ERC2: variants seen among roughly 807,000 people sequenced by gnomAD.
ERC2 encodes ELKS/RAB6-interacting/CAST family member 2.
A neutral mutation model predicts 114.8 loss-of-function variants in ERC2; 42 were observed. The ratio of observed to expected loss-of-function variants is 0.37; its 90% CI spans 0.29 to 0.47. The LOEUF (loss-of-function observed/expected upper bound fraction) is 0.47. Among genes scored for constraint, ERC2 ranks in the 20% least tolerant of loss-of-function variants. ERC2 has a pLI of 0.99. For synonymous variants in ERC2, 454 were observed against 425.5 expected (o/e 1.07, Z -0.82); for missense variants, 939 against 1,150.7 (o/e 0.82, Z 2.66).
chr3:55,980,727 A>G (rs2070058837), intron 12 of ERC2, among the ~76,000 whole-genome samples: 4 of 151,478 alleles, frequency 2.6e-5, no homozygotes, highest in South Asian at 4.2e-4. Context: ...TGAGAGAAAC[A>G]GGGAAAAGAA....
At chr3:55,932,723 T>C (rs551017891) in intron 13 of ERC2, among the ~76,000 whole-genome samples, 3 of 152,296 alleles carry the variant, frequency 2.0e-5, no homozygotes, top group South Asian at 2.1e-4. Context: ...GACAGAACTA[T>C]AGTAAAATCT....
chr3:56,078,800 T>C (rs924142165), intron 7 of ERC2, among the ~76,000 whole-genome samples: 21 of 151,280 alleles, frequency 1.4e-4, no homozygotes, highest in African/African-American at 4.6e-4. Flanking sequence ...TCTGCCTTTT[T>C]GGAATTTACA....
At position 55,944,460 on chromosome 3, in the gene ERC2, A is replaced by C. The variant is rs1453098355; in HGVS notation, c.2403+5965T>G. ...GAGGATTAGGTCAGAAATCCACAGGAAAAAGCAGAAGATGTTTCTCAGAAG... is the reference window on the plus strand; with the variant it reads ...GAGGATTAGGTCAGAAATCCACAGGCAAAAGCAGAAGATGTTTCTCAGAAG... On this transcript the variant is annotated intron_variant, in intron 13 of 17. Coordinates refer to ENST00000288221, the MANE Select transcript of ERC2 (RefSeq NM_015576.3). Among the ~76,000 whole-genome samples, 2 of 152,216 alleles carry C rather than the reference A, an allele frequency of 1.3e-5. 1 individual carries two copies.
chr3:55,547,558 A>G (rs976025276), intron 17 of ERC2, among the ~76,000 whole-genome samples: 1 of 152,212 alleles, frequency 6.6e-6, no homozygotes, highest in Non-Finnish European at 1.5e-5. Flanking sequence ...GCTCCTCTTT[A>G]GAATAATGAA....
chr3:55,857,505 C>T (rs2061842062), intron 14 of ERC2, among the ~76,000 whole-genome samples: 1 of 152,082 alleles, frequency 6.6e-6, no homozygotes, highest in Non-Finnish European at 1.5e-5. Flanking sequence ...ACAACCACCA[C>T]TATTATCTAA....
chr3:56,274,799 A>G (rs1035399380), intron 3 of ERC2, among the ~76,000 whole-genome samples: 1 of 152,236 alleles, frequency 6.6e-6, no homozygotes, highest in African/African-American at 2.4e-5. Context: ...TACATGCCAT[A>G]CTAAGGCGAT....
intron 3 of ERC2, 50 bp downstream of exon 3, chr3:56,295,969 A>AT: frequency 6.7e-7 from 1 of 1,501,808 alleles, no homozygotes; most frequent in East Asian, 2.3e-5. Context: ...TTGATAACAT[A>AT]TTTTCACTTA....
chr3:55,698,623 C>T (rs925469848), intron 16 of ERC2, among the ~76,000 whole-genome samples: 7 of 152,214 alleles, frequency 4.6e-5, no homozygotes, highest in African/African-American at 1.4e-4. Flanking sequence ...TCACCAAAAA[C>T]GGGGGCAGGG....
intron 14 of ERC2, among the ~76,000 whole-genome samples, chr3:55,779,033 G>C (rs2068815336): frequency 6.6e-6 from 1 of 151,818 alleles, no homozygotes. Context: ...GGAAGAGGCA[G>C]ATAATCTAAA....
rs76924896 is a variant in ERC2 at position 55,690,822 on chromosome 3, C to T, written c.2848-6963G>A. The stretch of plus-strand genomic sequence containing the variant: ...GGCTTATTAATCATGCCCTCATGTG[C>T]TCACATGCAGGGAATTAGCATCGCA... On this transcript the variant is annotated intron_variant, in intron 16 of 17. Transcript: ENST00000288221. 2.6e-3 allele frequency among the ~76,000 whole-genome samples: 393 copies of T among 152,348 alleles called. 2 individuals carry two copies. The highest frequency in any genetic ancestry group is 9.1e-3 in the African/African-American group (377 of 41,580).
intron 7 of ERC2, among the ~76,000 whole-genome samples, chr3:56,058,074 T>C (rs2076089796): frequency 6.6e-6 from 1 of 152,216 alleles, no homozygotes; most frequent in South Asian, 2.1e-4. Context: ...AAATCTTCAA[T>C]TCATATTACA....
intron 14 of ERC2, among the ~76,000 whole-genome samples, chr3:55,786,139 C>T (rs1306448733): frequency 6.6e-6 from 1 of 152,076 alleles, no homozygotes; most frequent in Non-Finnish European, 1.5e-5. Flanking sequence ...TACAGTAGAA[C>T]AATTATCTTT....
chr3:56,306,948 A>G (rs2056264160), intron 2 of ERC2, among the ~76,000 whole-genome samples: 2 of 152,184 alleles, frequency 1.3e-5, no homozygotes, highest in Non-Finnish European at 2.9e-5. Flanking sequence ...GCATGAGCTC[A>G]CAATATGCTC....
intron 17 of ERC2, among the ~76,000 whole-genome samples, chr3:55,634,217 A>C (rs940963255): frequency 6.6e-6 from 1 of 152,216 alleles, no homozygotes; most frequent in African/African-American, 2.4e-5. Flanking sequence ...CCATGCCATA[A>C]GTACTAGACA....
intron 2 of ERC2, among the ~76,000 whole-genome samples, chr3:56,343,937 A>C (rs1479827488): frequency 6.6e-6 from 1 of 152,164 alleles, no homozygotes; most frequent in Admixed American, 6.5e-5. Context: ...AACAACAAAG[A>C]AAGGATTACT....
At chr3:56,085,973 G>A (rs965970680) in intron 6 of ERC2, among the ~76,000 whole-genome samples, 1 of 152,136 alleles carries the variant, frequency 6.6e-6, no homozygotes, top group Non-Finnish European at 1.5e-5. Context: ...TTACAATATG[G>A]GAGGTAGTGA....
At chr3:55,874,287 G>A (rs2062722335) in intron 14 of ERC2, among the ~76,000 whole-genome samples, 1 of 152,192 alleles carries the variant, frequency 6.6e-6, no homozygotes, top group South Asian at 2.1e-4. Context: ...ATAAGGCGGG[G>A]AGGCTTTTCT....
intron 6 of ERC2, among the ~76,000 whole-genome samples, chr3:56,134,866 T>C (rs972013803): frequency 1.3e-5 from 2 of 152,078 alleles, no homozygotes; most frequent in Admixed American, 6.6e-5. Flanking sequence ...CCATGCCGAG[T>C]TGGAGAAAAG....
At chr3:56,117,091 G>A (rs2079281671) in intron 6 of ERC2, among the ~76,000 whole-genome samples, 1 of 152,110 alleles carries the variant, frequency 6.6e-6, no homozygotes, top group Admixed American at 6.6e-5. Context: ...TTTGAACCTG[G>A]ATTCCTCTGA....
Sources: allele counts gnomAD v4.1 joint callset (sites outside exome capture counted in the v4.1 genomes callset), GRCh38; gene constraint gnomAD v4.1.1; transcripts MANE v1.5; gene names NCBI Gene and HGNC (gene_info 2026-07-23, HGNC 2026-07-21).